RPS6KA2: variants seen among roughly 807,000 people sequenced by gnomAD.
RPS6KA2 encodes the protein ribosomal protein S6 kinase A2.
RPS6KA2 carries 42 observed loss-of-function variants against 91.8 expected under a neutral mutation model. The observed-to-expected ratio is 0.46, with a 90% CI of 0.36 to 0.59. The LOEUF (loss-of-function observed/expected upper bound fraction) is 0.59. RPS6KA2 is among the 20% of genes least tolerant of loss of function. The pLI, the probability that RPS6KA2 is intolerant of heterozygous loss-of-function variation, is 0.00. For synonymous variants in RPS6KA2, 414 were observed against 393.6 expected (o/e 1.05, Z -0.61); for missense variants, 798 against 978.5 (o/e 0.82, Z 2.46).
At chr6:166,575,432 G>A (rs1165056100) in intron 1 of RPS6KA2, among the ~76,000 whole-genome samples, 1 of 152,112 alleles carries the variant, frequency 6.6e-6, no homozygotes, top group African/African-American at 2.4e-5. Context: ...TGAAATCCAA[G>A]GTTGCTCATT....
intron 2 of RPS6KA2, among the ~76,000 whole-genome samples, chr6:166,711,692 T>C (rs910015398): frequency 5.3e-5 from 8 of 151,868 alleles, no homozygotes; most frequent in Non-Finnish European, 1.0e-4. Flanking sequence ...GCAACAGATG[T>C]TCTCACCTCA....
intron 10 of RPS6KA2, among the ~76,000 whole-genome samples, chr6:166,473,230 G>A (rs796339978): frequency 1.3e-5 from 2 of 151,756 alleles, no homozygotes; most frequent in African/African-American, 2.4e-5. Flanking sequence ...TCATTCTGTC[G>A]CCCAGGCTGG....
intron 2 of RPS6KA2, among the ~76,000 whole-genome samples, chr6:166,536,748 C>T (rs1040361760): frequency 9.2e-5 from 14 of 152,140 alleles, no homozygotes; most frequent in Admixed American, 3.3e-4. Flanking sequence ...CACCCATGGG[C>T]GCTGCCACTG....
At chr6:166,599,722 G>A (rs1380342496) in intron 1 of RPS6KA2, among the ~76,000 whole-genome samples, 1 of 152,164 alleles carries the variant, frequency 6.6e-6, no homozygotes, top group Non-Finnish European at 1.5e-5. Flanking sequence ...GTAGGGGGAG[G>A]GGCCAGATTA....
chr6:166,645,704 T>C (rs1787583874), intron 2 of RPS6KA2, among the ~76,000 whole-genome samples: 1 of 152,226 alleles, frequency 6.6e-6, no homozygotes, highest in Non-Finnish European at 1.5e-5. Context: ...TAGTCCATGT[T>C]GTACCCACAG....
At chr6:166,481,982 G>T (rs1781238900) in intron 10 of RPS6KA2, among the ~76,000 whole-genome samples, 1 of 151,514 alleles carries the variant, frequency 6.6e-6, no homozygotes, top group African/African-American at 2.4e-5. Context: ...ATGGCAGACT[G>T]CACGTATACC....
intron 2 of RPS6KA2, among the ~76,000 whole-genome samples, chr6:166,731,244 A>AAAAAAAAG (rs1562405935): frequency 6.6e-6 from 1 of 150,912 alleles, no homozygotes; most frequent in African/African-American, 2.4e-5. Flanking sequence ...CTCCGTCTCA[A>AAAAAAAAG]AAAAAAGAAA....
chr6:166,601,177 T>C (rs1279953036), intron 1 of RPS6KA2, among the ~76,000 whole-genome samples: 1 of 152,198 alleles, frequency 6.6e-6, no homozygotes, highest in Non-Finnish European at 1.5e-5. Context: ...GAGAAAATGA[T>C]AGAAATCAAG....
intron 2 of RPS6KA2, among the ~76,000 whole-genome samples, chr6:166,808,013 G>A (rs1022510083): frequency 9.3e-5 from 14 of 151,308 alleles, no homozygotes; most frequent in Non-Finnish European, 1.6e-4. Context: ...GATGCACCTC[G>A]GGATGCATGA....
chr6:166,478,971 C>T (rs7748165), intron 10 of RPS6KA2, among the ~76,000 whole-genome samples: 2 of 152,066 alleles, frequency 1.3e-5, no homozygotes, highest in South Asian at 2.1e-4. Context: ...GGGTGCGTGG[C>T]GTGGGTCTGA....
chr6:166,767,988 TA>T lies in RPS6KA2; in HGVS notation c.123+90211del, dbSNP rs1482552805. 6.6e-6 allele frequency among the ~76,000 whole-genome samples: 1 copy of T among 152,222 alleles called. No homozygotes were observed. The highest frequency in any genetic ancestry group is 1.9e-4 in the East Asian group (1 of 5,198). On this transcript the variant is annotated intron_variant, in intron 2 of 21. Coordinates refer to the RPS6KA2 transcript ENST00000503859. The surrounding 1 kb of genome is among the most constrained non-coding windows in gnomAD (Gnocchi z 4.6). ...CGCTACCTTGGCCACCACTGCACCA[TA>T]ACAAGAGTGCTCACATTTCTGTCCT...
In RPS6KA2 at chr6:166,849,191, TG is replaced by T. The variant is rs1780675572; in HGVS notation, c.123+9008del. ...CTGTCTGTCTGGGACAATCCACCCC[TG>T]GTCTTGCTGGTTGGTTTCTTCTCAT... On this transcript the variant is annotated intron_variant, in intron 2 of 21. Coordinates refer to the RPS6KA2 transcript ENST00000503859. This position sits in a 1 kb window ranked among gnomAD's most constrained non-coding sequence, Gnocchi z 4.9. 6.6e-6 allele frequency among the ~76,000 whole-genome samples: 1 copy of T among 152,158 alleles called. No homozygotes were observed. The highest frequency in any genetic ancestry group is 6.5e-5 in the Admixed American group (1 of 15,276).
chr6:166,489,988 C>G (rs529821004), intron 9 of RPS6KA2, among the ~76,000 whole-genome samples: 1 of 152,294 alleles, frequency 6.6e-6, no homozygotes, highest in East Asian at 1.9e-4. Context: ...TTCCTGCCCT[C>G]CTGCTGTCTG....
intron 2 of RPS6KA2, among the ~76,000 whole-genome samples, chr6:166,784,970 T>C (rs1778891975): frequency 2.0e-5 from 3 of 152,228 alleles, no homozygotes. Context: ...ATGGTTCTGA[T>C]GTCAGGAAAA....
chr6:166,720,801 C>T (rs1012847751), intron 2 of RPS6KA2, among the ~76,000 whole-genome samples: 16 of 152,108 alleles, frequency 1.1e-4, no homozygotes, highest in African/African-American at 2.9e-4. Context: ...AAGGAAACTC[C>T]GGCACAGCGA....
rs536602899 is a variant in RPS6KA2 at position 166,610,451 on chromosome 6, G to C, written c.99+16470C>G. On this transcript the variant is annotated intron_variant, in intron 1 of 20. Coordinates refer to ENST00000265678, the MANE Select transcript of RPS6KA2 (RefSeq NM_021135.6). Reference sequence around the variant, plus strand: ...ACAAAATTCAAAGGAAAGAATTCATGATGGTTAATACAGATAAAACCTATG... The same window carrying C: ...ACAAAATTCAAAGGAAAGAATTCATCATGGTTAATACAGATAAAACCTATG... 7.9e-5 allele frequency among the ~76,000 whole-genome samples: 12 copies of C among 152,356 alleles called. No homozygotes were observed. The South Asian group carries it at 2.5e-3, about 32-fold the overall frequency.
chr6:166,742,066 T>C (rs1790832727), intron 2 of RPS6KA2, among the ~76,000 whole-genome samples: 1 of 152,102 alleles, frequency 6.6e-6, no homozygotes, highest in Admixed American at 6.6e-5. Context: ...AGGCGGCTGT[T>C]GCAGTGAGCC....
At position 166,652,071 on chromosome 6, in the gene RPS6KA2, T is replaced by C. The variant is rs189974940; in HGVS notation, c.124-113287A>G. ...CTAGAAGAATTTAAGAATGTTAAAA[T>C]AGATATGATGAGAATACTGTTTTTT... On this transcript the variant is annotated intron_variant, in intron 2 of 21. Transcript: ENST00000503859. 5.3e-5 allele frequency among the ~76,000 whole-genome samples: 8 copies of C among 152,352 alleles called. No individual in the cohort carries two copies. In the East Asian group the frequency reaches 1.5e-3, roughly 29 times the overall value.
chr6:166,666,201 T>C lies in RPS6KA2; in HGVS notation c.124-127417A>G, dbSNP rs1583000457. 6.6e-6 allele frequency among the ~76,000 whole-genome samples: 1 copy of C among 152,142 alleles called. No individual in the cohort carries two copies. The highest frequency in any genetic ancestry group is 1.5e-5 in the Non-Finnish European group (1 of 68,030). Reference sequence around the variant, plus strand: ...TGCCTGGGTCACGGGGTCTGCCCCATCTAGTGAGTGCTCTGCTGTGCATCA... The same window carrying C: ...TGCCTGGGTCACGGGGTCTGCCCCACCTAGTGAGTGCTCTGCTGTGCATCA... On this transcript the variant is annotated intron_variant, in intron 2 of 21. Coordinates refer to the RPS6KA2 transcript ENST00000503859. This position sits in a 1 kb window ranked among gnomAD's most constrained non-coding sequence, Gnocchi z 4.0.
Sources: allele counts gnomAD v4.1 joint callset (sites outside exome capture counted in the v4.1 genomes callset), GRCh38; gene constraint gnomAD v4.1.1; non-coding constraint Gnocchi (gnomAD v3.1); transcripts MANE v1.5; gene names NCBI Gene and HGNC (gene_info 2026-07-23, HGNC 2026-07-21).